Variants in SOX5 observed in about 807,000 individuals in gnomAD.
SOX5 encodes transcription factor SOX-5.
In SOX5, 9 loss-of-function variants were observed where a neutral mutation model predicts 92.0. The ratio of observed to expected loss-of-function variants is 0.10; its 90% CI spans 0.06 to 0.17. SOX5 has a LOEUF of 0.17. Ranked by LOEUF, SOX5 falls within the 10% of genes least tolerant of loss-of-function variation. SOX5 has a pLI of 1.00. For synonymous variants in SOX5, 344 were observed against 336.3 expected, an observed-to-expected ratio of 1.02 and a Z score of -0.25; for missense variants, 642 against 944.5, an observed-to-expected ratio of 0.68 and a Z score of 4.20.
At position 23,637,589 on chromosome 12, in the gene SOX5, T is replaced by C. The variant is rs16926488; in HGVS notation, c.1017+3223A>G. Among the ~76,000 whole-genome samples the C allele has an allele frequency of 8.3e-3, 1,263 of 152,310 alleles. 21 individuals are homozygous for C. The highest frequency in any genetic ancestry group is 0.028 in the African/African-American group (1,160 of 41,572). On this transcript the variant is annotated intron_variant, in intron 8 of 14. Transcript: ENST00000451604. ...GTGAGGGAGCTGAGGAGAGAGAAGA[T>C]TGGGTTAACAGCTTTACAGGGTGGC...
intron 4 of SOX5, among the ~76,000 whole-genome samples, chr12:24,106,234 T>C (rs1485295254): frequency 6.7e-6 from 1 of 148,862 alleles, no homozygotes; most frequent in Non-Finnish European, 1.5e-5. Flanking sequence ...TCCTAACAAG[T>C]CAATAATTAA....
intron 1 of SOX5, among the ~76,000 whole-genome samples, chr12:23,903,564 C>A (rs186839748): frequency 6.6e-6 from 1 of 152,054 alleles, no homozygotes; most frequent in African/African-American, 2.4e-5. Context: ...GCCTGGGCAA[C>A]AAAGTGAGAC....
intron 7 of SOX5, among the ~76,000 whole-genome samples, chr12:23,664,450 C>T (rs1200105230): frequency 2.0e-5 from 3 of 151,822 alleles, no homozygotes; most frequent in Non-Finnish European, 4.4e-5. Context: ...TTTCAATGAA[C>T]TTGCTTTTAC....
chr12:23,624,618 C>T (rs1317278500), intron 8 of SOX5, among the ~76,000 whole-genome samples: 9 of 152,118 alleles, frequency 5.9e-5, no homozygotes, highest in Admixed American at 3.9e-4. Flanking sequence ...TTCCAGCCCA[C>T]GCTCAAACTC....
At chr12:23,704,187 A>T (rs1326790912) in intron 6 of SOX5, among the ~76,000 whole-genome samples, 1 of 151,812 alleles carries the variant, frequency 6.6e-6, no homozygotes, top group Admixed American at 6.6e-5. Flanking sequence ...GTGTGTGTGT[A>T]AAGTTTTTAT....
intron 2 of SOX5, among the ~76,000 whole-genome samples, chr12:24,311,319 T>G (rs913394658): frequency 2.6e-5 from 4 of 152,226 alleles, no homozygotes; most frequent in Non-Finnish European, 5.9e-5. Flanking sequence ...TCCTGGGCCT[T>G]TTGAGCCATC....
At chr12:24,382,847 G>A (rs948344624) in intron 1 of SOX5, among the ~76,000 whole-genome samples, 2 of 152,100 alleles carry the variant, frequency 1.3e-5, no homozygotes, top group African/African-American at 4.8e-5. Flanking sequence ...GCAATGGGAA[G>A]AATAGATTTA....
intron 4 of SOX5, among the ~76,000 whole-genome samples, chr12:23,959,515 A>G (rs1352137979): frequency 6.6e-6 from 1 of 152,136 alleles, no homozygotes; most frequent in South Asian, 2.1e-4. Flanking sequence ...TCTTACTAAC[A>G]ATGGATCAAA....
chr12:24,110,879 C>A (rs992002983), intron 4 of SOX5, among the ~76,000 whole-genome samples: 1 of 116,662 alleles, frequency 8.6e-6, no homozygotes, highest in Non-Finnish European at 1.6e-5. Flanking sequence ...CCAGCCTGGG[C>A]GACAGCGCGA....
intron 1 of SOX5, among the ~76,000 whole-genome samples, chr12:23,933,936 A>C (rs1207934071): frequency 6.6e-6 from 1 of 151,502 alleles, no homozygotes; most frequent in Admixed American, 6.6e-5. Context: ...AGTTTAAAGG[A>C]CTTGTTAGCC....
chr12:23,556,448 CTT>C (rs747621052), intron 11 of SOX5, among the ~76,000 whole-genome samples: 58 of 152,060 alleles, frequency 3.8e-4, no homozygotes, highest in Admixed American at 1.6e-3. Context: ...ATATTAATCA[CTT>C]GTGTTATTTT....
At chr12:23,578,903 T>C (rs1201609583) in intron 9 of SOX5, among the ~76,000 whole-genome samples, 3 of 152,090 alleles carry the variant, frequency 2.0e-5, no homozygotes, top group African/African-American at 7.2e-5. Context: ...CAAAGATGGC[T>C]GTTTTACTTG....
At chr12:23,818,807 T>C (rs1262954480) in intron 3 of SOX5, among the ~76,000 whole-genome samples, 1 of 152,160 alleles carries the variant, frequency 6.6e-6, no homozygotes, top group Non-Finnish European at 1.5e-5. Context: ...TTTTCAAAAC[T>C]TTTTATACAT....
intron 13 of SOX5, among the ~76,000 whole-genome samples, chr12:23,542,233 A>T (rs916246446): frequency 6.6e-6 from 1 of 152,224 alleles, no homozygotes; most frequent in Non-Finnish European, 1.5e-5. Context: ...AAACTTTAAT[A>T]ATTTTGACAA....
At chr12:24,243,415 G>A (rs549290596) in intron 3 of SOX5, among the ~76,000 whole-genome samples, 2 of 152,168 alleles carry the variant, frequency 1.3e-5, no homozygotes, top group African/African-American at 2.4e-5. Flanking sequence ...TTTCTGTCTT[G>A]TATTTGTCTT....
intron 5 of SOX5, among the ~76,000 whole-genome samples, chr12:23,737,176 G>A (rs900122328): frequency 2.0e-5 from 3 of 151,906 alleles, no homozygotes; most frequent in South Asian, 2.1e-4. Context: ...ACTTTCTCCC[G>A]TTCACCGTGT....
chr12:24,082,549 G>A (rs1377708066), intron 4 of SOX5, among the ~76,000 whole-genome samples: 2 of 151,356 alleles, frequency 1.3e-5, no homozygotes, highest in East Asian at 3.9e-4. Flanking sequence ...GGATTTGTAG[G>A]ACAATTAGTG....
chr12:23,904,229 T>C (rs895967229), intron 1 of SOX5, among the ~76,000 whole-genome samples: 9 of 152,128 alleles, frequency 5.9e-5, no homozygotes, highest in Non-Finnish European at 1.2e-4. Context: ...TTTCAAACTT[T>C]TATACCATTT....
chr12:23,550,408 A>C (rs1164903027), intron 11 of SOX5, among the ~76,000 whole-genome samples: 1 of 152,000 alleles, frequency 6.6e-6, no homozygotes, highest in African/African-American at 2.4e-5. Context: ...AACATGTGTT[A>C]GATTCTCATT....
Sources: allele counts gnomAD v4.1 joint callset (sites outside exome capture counted in the v4.1 genomes callset), GRCh38; gene constraint gnomAD v4.1.1; transcripts MANE v1.5; gene names NCBI Gene and HGNC (gene_info 2026-07-23, HGNC 2026-07-21).